PRKN: variants seen among roughly 807,000 people sequenced by gnomAD.
PRKN encodes the protein E3 ubiquitin-protein ligase parkin.
A neutral mutation model predicts 59.5 loss-of-function variants in PRKN; 56 were observed. The ratio of observed to expected loss-of-function variants is 0.94; its 90% CI spans 0.76 to 1.18. The LOEUF is 1.18. Among genes scored for constraint, PRKN ranks in the 50% most tolerant of loss-of-function variants. PRKN has a pLI of 0.00. For missense variants in PRKN, 657 were observed against 596.4 expected (o/e 1.10, Z -1.06); for synonymous variants, 250 against 222.1 (o/e 1.13, Z -1.12).
At chr6:161,889,485 G>A (rs73604806) in intron 6 of PRKN, among the ~76,000 whole-genome samples, 4,978 of 152,244 alleles carry the variant, frequency 0.033, 260 homozygotes, top group African/African-American at 0.11. Context: ...TAAAGGGAGC[G>A]CCTTAAAGGT....
In PRKN at chr6:162,154,511, T is replaced by C. The variant is rs549684606; in HGVS notation, c.534+46620A>G. ...TGAATGGCCTACACTCTAGTGACAC[T>C]AGTACAAAAGGAGAAAAAAAAAAAA... On this transcript the variant is annotated intron_variant, in intron 4 of 11. Coordinates refer to ENST00000366898, the MANE Select transcript of PRKN (RefSeq NM_004562.3). 3.9e-4 allele frequency among the ~76,000 whole-genome samples: 47 copies of C among 121,040 alleles called. 1 individual carries two copies. The highest frequency in any genetic ancestry group is 1.4e-3 in the African/African-American group (47 of 33,392). The allele number at this position is 121,040 out of a possible 152,430, so 79.4% of individuals were successfully genotyped here.
At chr6:162,137,314 T>C (rs1023160063) in intron 4 of PRKN, among the ~76,000 whole-genome samples, 1 of 152,116 alleles carries the variant, frequency 6.6e-6, no homozygotes, top group Non-Finnish European at 1.5e-5. Flanking sequence ...TTTCTTGGGG[T>C]CAGTGTCCTT....
intron 2 of PRKN, among the ~76,000 whole-genome samples, chr6:162,280,808 A>G (rs1780859161): frequency 6.6e-6 from 1 of 150,824 alleles, no homozygotes; most frequent in Non-Finnish European, 1.5e-5. Flanking sequence ...AAAAAAAAAA[A>G]AAAAAAAAAA....
At position 162,459,287 on chromosome 6, in the gene PRKN, C is replaced by T. The variant is rs186492675; in HGVS notation, c.8-15814G>A. Among the ~76,000 whole-genome samples, 7 of 152,130 alleles carry T rather than the reference C, an allele frequency of 4.6e-5. No homozygotes were observed. The East Asian group carries it at 1.4e-3, about 29-fold the overall frequency. On this transcript the variant is annotated intron_variant, in intron 1 of 11. Transcript: ENST00000366898. ...CACTTATTAGGTAGATAATGGCACT[C>T]CCCTGAACTGAAAACAGAAGTTATA...
At chr6:162,260,817 G>A (rs1478912335) in intron 3 of PRKN, among the ~76,000 whole-genome samples, 1 of 152,040 alleles carries the variant, frequency 6.6e-6, no homozygotes, top group African/African-American at 2.4e-5. Flanking sequence ...TTTATTTTTA[G>A]TAAGAATTTT....
rs777750039 is a variant in PRKN, at chr6:161,417,020, G to A, written c.1084-30143C>T. On this transcript the variant is annotated intron_variant, in intron 9 of 11. Transcript: ENST00000366898. This position sits in a 1 kb window ranked among gnomAD's most constrained non-coding sequence, Gnocchi z 5.4. The stretch of plus-strand genomic sequence containing the variant: ...AAGAACTCTGGAGGGAGATGGGGCC[G>A]AGGAAGGAGTAGGAGGTGTGGCTAT... Among the ~76,000 whole-genome samples, 1 of 152,174 alleles carries A rather than the reference G, an allele frequency of 6.6e-6. No homozygotes were observed. The highest frequency in any genetic ancestry group is 1.5e-5 in the Non-Finnish European group (1 of 68,036).
At chr6:161,441,477 T>C (rs1040184851) in intron 9 of PRKN, among the ~76,000 whole-genome samples, 6 of 151,834 alleles carry the variant, frequency 4.0e-5, no homozygotes, top group African/African-American at 1.4e-4. Flanking sequence ...AAACCCCGTA[T>C]CTACTAAAAA....
At chr6:162,652,402 A>G (rs1190464530) in intron 1 of PRKN, among the ~76,000 whole-genome samples, 1 of 152,198 alleles carries the variant, frequency 6.6e-6, no homozygotes, top group Admixed American at 6.5e-5. Context: ...GTATCAGTTA[A>G]CAATTGTTTC....
At chr6:162,544,092 C>CT (rs1243131286) in intron 1 of PRKN, among the ~76,000 whole-genome samples, 2 of 152,156 alleles carry the variant, frequency 1.3e-5, no homozygotes, top group African/African-American at 4.8e-5. Context: ...TGTGGTATGA[C>CT]TTTATGAGGA....
At chr6:162,362,907 T>A (rs567002236) in intron 2 of PRKN, among the ~76,000 whole-genome samples, 1 of 151,820 alleles carries the variant, frequency 6.6e-6, no homozygotes, top group South Asian at 2.1e-4. Context: ...GGCGGGTGGA[T>A]CACGAGGTCA....
chr6:161,686,995 C>T (rs963689645), intron 7 of PRKN, among the ~76,000 whole-genome samples: 15 of 152,146 alleles, frequency 9.9e-5, no homozygotes, highest in Admixed American at 6.5e-4. Flanking sequence ...CCTTGCTGTG[C>T]ACTTTATAGA....
chr6:162,041,616 A>G (rs1278388205), intron 5 of PRKN, among the ~76,000 whole-genome samples: 1 of 152,132 alleles, frequency 6.6e-6, no homozygotes, highest in Non-Finnish European at 1.5e-5. Flanking sequence ...CGTATCTGTG[A>G]CAGAATTTGC....
intron 6 of PRKN, among the ~76,000 whole-genome samples, chr6:161,829,869 A>AAAG (rs1792408822): frequency 5.4e-5 from 8 of 149,188 alleles, no homozygotes; most frequent in African/African-American, 1.7e-4. Context: ...AAAAAAAAAA[A>AAAG]TGCCAATACA....
At chr6:161,438,451 C>T (rs955240737) in intron 9 of PRKN, among the ~76,000 whole-genome samples, 15 of 151,912 alleles carry the variant, frequency 9.9e-5, no homozygotes, top group Non-Finnish European at 1.5e-4. Context: ...CTCTTGACCT[C>T]GTAATCCGCC....
At chr6:161,744,999 G>C (rs1452430887) in intron 7 of PRKN, among the ~76,000 whole-genome samples, 1 of 152,168 alleles carries the variant, frequency 6.6e-6, no homozygotes, top group Admixed American at 6.5e-5. Context: ...CAGAGGTACA[G>C]AAAAGCTTTA....
chr6:162,115,166 TA>T (rs1373929470), intron 4 of PRKN, among the ~76,000 whole-genome samples: 2 of 152,014 alleles, frequency 1.3e-5, no homozygotes, highest in African/African-American at 4.8e-5. Context: ...TATGCAGCCA[TA>T]AAAAATGATG....
rs569592583 is a variant in PRKN, at chr6:162,312,066, G to A, written c.172-49301C>T. Among the ~76,000 whole-genome samples, 302 of 152,026 alleles carry A rather than the reference G, an allele frequency of 2.0e-3. 1 individual carries two copies. The highest frequency in any genetic ancestry group is 6.9e-3 in the African/African-American group (287 of 41,494). ...AAATCTTGCTTCGCAAACAGAAGGCGGCATGTAAATAACTGCTTGGAACTC... is the reference window on the plus strand; with the variant it reads ...AAATCTTGCTTCGCAAACAGAAGGCAGCATGTAAATAACTGCTTGGAACTC... On this transcript the variant is annotated intron_variant, in intron 2 of 11. Coordinates refer to ENST00000366898, the MANE Select transcript of PRKN (RefSeq NM_004562.3).
intron 4 of PRKN, among the ~76,000 whole-genome samples, chr6:162,074,807 T>A (rs1196747546): frequency 6.6e-6 from 1 of 152,030 alleles, no homozygotes; most frequent in Non-Finnish European, 1.5e-5. Flanking sequence ...ACAACGCGTT[T>A]CCCCCTTCAC....
At chr6:162,143,360 T>G (rs1340611866) in intron 4 of PRKN, among the ~76,000 whole-genome samples, 1 of 152,202 alleles carries the variant, frequency 6.6e-6, no homozygotes, top group Non-Finnish European at 1.5e-5. Context: ...ACTATGGACT[T>G]GATGGCTGAT....
Sources: gnomAD v4.1 joint callset for allele counts (sites outside exome capture counted in the v4.1 genomes callset) on GRCh38, gnomAD v4.1.1 for gene constraint, Gnocchi (gnomAD v3.1) non-coding constraint, MANE v1.5 for transcripts, NCBI Gene and HGNC (gene_info 2026-07-23, HGNC 2026-07-21) for gene names.